The following CAND2 variants were observed in gnomAD, a reference collection of about 807,000 sequenced individuals.
CAND2 encodes the protein cullin associated and neddylation dissociated 2 (putative).
CAND2 carries 62 observed loss-of-function variants against 98.9 expected under a neutral mutation model. The observed-to-expected ratio is 0.63, with a 90% CI of 0.51 to 0.77. The LOEUF is 0.77. Ranked by LOEUF, CAND2 falls within the 30% of genes least tolerant of loss-of-function variation. The pLI, the probability that CAND2 is intolerant of heterozygous loss-of-function variation, is 0.00. For synonymous variants in CAND2, 770 were observed against 731.9 expected, an observed-to-expected ratio of 1.05 and a Z score of -0.84; for missense variants, 1,501 against 1,655.2, an observed-to-expected ratio of 0.91 and a Z score of 1.62.
At position 12,816,944 on chromosome 3, in the gene CAND2, C is replaced by A. The variant is rs554557617; in HGVS notation, c.2012C>A (p.Ala671Asp). The change falls in exon 10 of 15, where the codon GCC becomes GAC. Residue 671 changes from alanine (A) to aspartate (D), a missense_variant. By Grantham distance (126) the Ala-to-Asp change is moderately radical. Transcript: ENST00000456430. ...LRKNQRALRLATLAALDALAQ... is the reference protein window; with the variant it reads ...LRKNQRALRLDTLAALDALAQ... ...AAGAACCAGCGGGCTTTGCGACTGG[C>A]CACACTGGCAGCCCTGGACGCCCTG... The A allele has an allele frequency of 6.2e-7, 1 of 1,613,528 alleles. No homozygotes were observed. The highest frequency in any genetic ancestry group is 2.2e-5 in the East Asian group (1 of 44,876).
Position 12,834,561 on chromosome 3 carries a change from G to A in CAND2, c.*579G>A, listed in dbSNP as rs2062083868. On this transcript the variant is annotated 3_prime_UTR_variant, in exon 15 of 15. Coordinates refer to ENST00000456430, the MANE Select transcript of CAND2 (RefSeq NM_001162499.2). Reference sequence around the variant, plus strand: ...TTTTTCCAGGGAGGAGGAATGGGTTGGGTAGGGAACTGGACAGGCTTGGAC... The same window carrying A: ...TTTTTCCAGGGAGGAGGAATGGGTTAGGTAGGGAACTGGACAGGCTTGGAC... The A allele has an allele frequency of 6.5e-6, 1 of 154,686 alleles. No homozygotes were observed. Among genetic ancestry groups the A allele is most frequent in the African/African-American group, 2.4e-5 (1 of 41,464 alleles). The allele number at this position is 154,686 out of a possible 1,614,324, so 9.6% of individuals were successfully genotyped here.
intron 6 of CAND2, 48 bp downstream of exon 6, chr3:12,813,143 G>C: frequency 6.4e-7 from 1 of 1,568,398 alleles, no homozygotes; most frequent in South Asian, 1.2e-5. Flanking sequence ...AGTTGGTGGG[G>C]ATGCTGGCCC....
At chr3:12,829,708 G>A (rs373051066) in intron 13 of CAND2, among the ~76,000 whole-genome samples, 9 of 152,178 alleles carry the variant, frequency 5.9e-5, no homozygotes, top group Admixed American at 1.3e-4. Flanking sequence ...AACACGCCAA[G>A]GTCAATGTGA....
At position 12,831,510 on chromosome 3, in the gene CAND2, G is replaced by C; in HGVS notation, c.3421G>C (p.Ala1141Pro). ...MVARLATLCP[A>P]PVLQRVDRLI... ...TGCCCGGCTGGCCACCCTGTGTCCTGCACCTGTCCTGCAGAGGGTGGACCG... is the reference window on the plus strand; with the variant it reads ...TGCCCGGCTGGCCACCCTGTGTCCTCCACCTGTCCTGCAGAGGGTGGACCG... Residue 1141 changes from alanine (A) to proline (P), a missense_variant, in exon 14 of 15, where the codon GCA (alanine) becomes CCA (proline). Ala to Pro is a conservative substitution (Grantham distance 27). Transcript: ENST00000456430. The C allele has an allele frequency of 6.2e-7, 1 of 1,614,096 alleles. No homozygotes were observed. The highest frequency in any genetic ancestry group is 1.1e-5 in the South Asian group (1 of 91,070).
At chr3:12,797,798 C>G (rs958689785) in intron 1 of CAND2, among the ~76,000 whole-genome samples, 3 of 152,148 alleles carry the variant, frequency 2.0e-5, no homozygotes, top group Non-Finnish European at 2.9e-5. Flanking sequence ...GAGACTTAGT[C>G]CAAATCCAGG....
chr3:12,816,242 T>G, intron 9 of CAND2, 132 bp from the exon 10 acceptor site: 2 of 974,224 alleles, frequency 2.1e-6, no homozygotes, highest in Non-Finnish European at 3.0e-6. Flanking sequence ...GCTGACTTCT[T>G]GGAAACTTCT....
At position 12,810,177 on chromosome 3, in the gene CAND2, G is replaced by T. The variant is rs183581869; in HGVS notation, c.610G>T (p.Ala204Ser). 2.0e-6 allele frequency: 3 copies of T among 1,531,790 alleles called. No individual in the cohort carries two copies. The highest frequency in any genetic ancestry group is 2.6e-6 in the Non-Finnish European group (3 of 1,144,962). The allele number at this position is 1,531,790 out of a possible 1,614,324, so 94.9% of individuals were successfully genotyped here. A position where few individuals can be genotyped will look rare whatever the true frequency, so the allele number is the denominator to read the frequency against. The change falls in exon 5 of 15, where the codon GCC (alanine) becomes TCC (serine). Residue 204 changes from alanine to serine, a missense_variant. Coordinates refer to ENST00000456430, the MANE Select transcript of CAND2 (RefSeq NM_001162499.2). ...RAVGALGHLA[A>S]ACSTDLFVEL... ...GGTCGGAGCGCTTGGCCACCTGGCG[G>T]CCGCCTGCAGCACCGACCTCTTCGT... is the stretch of plus-strand genomic sequence containing the variant.
At chr3:12,818,084 A>G (rs2061924412) in intron 10 of CAND2, among the ~76,000 whole-genome samples, 1 of 152,214 alleles carries the variant, frequency 6.6e-6, no homozygotes, top group Non-Finnish European at 1.5e-5. Flanking sequence ...GTGGGATAGA[A>G]GGGACAGAGT....
chr3:12,822,415 C>T (rs1443512308), intron 11 of CAND2, among the ~76,000 whole-genome samples: 1 of 151,926 alleles, frequency 6.6e-6, no homozygotes, highest in Non-Finnish European at 1.5e-5. Context: ...ACTTGAGCCT[C>T]CCAAGTAGCT....
Position 12,817,547 on chromosome 3 carries a change from C to T in CAND2, c.2615C>T (p.Ser872Leu), listed in dbSNP as rs1575774146. The T allele has an allele frequency of 6.2e-7, 1 of 1,613,930 alleles. No individual in the cohort carries two copies. The highest frequency in any genetic ancestry group is 2.2e-5 in the East Asian group (1 of 44,872). Residue 872 changes from serine (S) to leucine (L), a missense_variant, in exon 10 of 15, where the codon TCA (serine) becomes TTA (leucine). Physicochemically the swap from Ser to Leu is moderately radical, Grantham distance 145. This residue lies in a region of CAND2 where 1,427 missense variants were observed against 1,545.3 expected (regional missense o/e 0.92). Transcript: ENST00000456430. ...GCGGTGCTCCTGGAAGCTTTGGGGT[C>T]ACCCAGTGAGGATGTGAGGGCTGCA... is the stretch of plus-strand genomic sequence containing the variant. ...LKAVLLEALG[S>L]PSEDVRAAAS...
At chr3:12,825,722 T>G (rs2061994245) in intron 12 of CAND2, 83 bp downstream of exon 12, 1 of 1,413,058 alleles carries the variant, frequency 7.1e-7, no homozygotes. Context: ...TATTATCTCA[T>G]CAGAGCAGGT....
intron 4 of CAND2, among the ~76,000 whole-genome samples, chr3:12,808,617 C>G (rs1319095777): frequency 6.6e-6 from 1 of 152,084 alleles, no homozygotes; most frequent in East Asian, 1.9e-4. Flanking sequence ...CTTGGTTGTT[C>G]TAGGGAGGAG....
intron 14 of CAND2, among the ~76,000 whole-genome samples, chr3:12,832,949 GGA>G (rs1403282535): frequency 1.3e-5 from 2 of 152,170 alleles, no homozygotes; most frequent in Non-Finnish European, 2.9e-5. Flanking sequence ...TTCAGAGAAG[GGA>G]GTGTGGACTT....
chr3:12,804,674 G>A (rs987518602), intron 2 of CAND2, among the ~76,000 whole-genome samples: 12 of 152,196 alleles, frequency 7.9e-5, no homozygotes, highest in African/African-American at 2.9e-4. Flanking sequence ...CACTAGTGTA[G>A]GGCAGAGGTT....
At position 12,813,337 on chromosome 3, in the gene CAND2, G is replaced by A; in HGVS notation, c.955G>A (p.Asp319Asn). The part of the protein sequence containing the change: ...KHDPNYNYDS[D>N]EDEEQMETED... ...CGACCCCAACTACAACTACGACAGT[G>A]ATGAGGATGAGGAGCAGATGGAGAC... The change falls in exon 7 of 15, where the codon GAT becomes AAT. Residue 319 changes from aspartate (D) to asparagine (N), a missense_variant. Transcript: ENST00000456430. The A allele has an allele frequency of 6.2e-7, 1 of 1,614,172 alleles. No homozygotes were observed. The highest frequency in any genetic ancestry group is 1.7e-5 in the Admixed American group (1 of 60,024).
chr3:12,803,696 C>T (rs1026498728), intron 2 of CAND2, 65 bp downstream of exon 2: 32 of 1,461,812 alleles, frequency 2.2e-5, no homozygotes, highest in African/African-American at 1.3e-4. Flanking sequence ...TCCTGGGGAC[C>T]GCTGTCCCTT....
intron 4 of CAND2, 147 bp downstream of exon 4, chr3:12,808,480 A>G (rs1054535744): frequency 5.5e-6 from 5 of 913,666 alleles, no homozygotes; most frequent in African/African-American, 5.0e-5. Context: ...GGAGAACTCA[A>G]TTGTCACAAT....
chr3:12,817,522 G>A lies in CAND2; in HGVS notation c.2590G>A (p.Ala864Thr), dbSNP rs1418411493. The stretch of plus-strand genomic sequence containing the variant: ...GCCAGGCCACCAGCGGGAGCTGAAG[G>A]CGGTGCTCCTGGAAGCTTTGGGGTC... ...AGPGHQRELKAVLLEALGSPS... is the reference protein window; with the variant it reads ...AGPGHQRELKTVLLEALGSPS... Residue 864 changes from alanine (A) to threonine (T), a missense_variant, in exon 10 of 15, where the codon GCG (alanine) becomes ACG (threonine). By Grantham distance (58) the Ala-to-Thr change is moderately conservative (BLOSUM62 0). This residue lies in a region of CAND2 where 1,427 missense variants were observed against 1,545.3 expected (regional missense o/e 0.92). Coordinates refer to ENST00000456430, the MANE Select transcript of CAND2 (RefSeq NM_001162499.2). 1.2e-6 allele frequency: 2 copies of A among 1,613,772 alleles called. No individual in the cohort carries two copies. Among genetic ancestry groups the A allele is most frequent in the Middle Eastern group, 1.7e-4 (1 of 6,060 alleles).
intron 1 of CAND2, among the ~76,000 whole-genome samples, chr3:12,803,182 C>T (rs1009915827): frequency 1.3e-5 from 2 of 152,042 alleles, no homozygotes; most frequent in Non-Finnish European, 2.9e-5. Context: ...TTAGTAGAGA[C>T]TGGGTTTCAC....
Sources: gnomAD v4.1 joint callset for allele counts (sites outside exome capture counted in the v4.1 genomes callset) on GRCh38, gnomAD v4.1.1 for gene constraint, gnomAD v4.1.1 regional missense constraint, MANE v1.5 for transcripts, NCBI Gene and HGNC (gene_info 2026-07-23, HGNC 2026-07-21) for gene names.